The following NFIA variants were observed in gnomAD, a reference collection of about 807,000 sequenced individuals.
NFIA encodes the protein nuclear factor I A.
Under a neutral mutation model 62.8 loss-of-function variants are expected in NFIA, and 8 were observed. The observed-to-expected ratio is 0.13, with a 90% CI of 0.07 to 0.23. NFIA has a LOEUF of 0.23. NFIA is among the 10% of genes least tolerant of loss of function. The pLI is 1.00. For synonymous variants in NFIA, 235 were observed against 238.1 expected (o/e 0.99, Z 0.12); for missense variants, 410 against 642.1 (o/e 0.64, Z 3.91).
intron 9 of NFIA, among the ~76,000 whole-genome samples, chr1:61,418,013 A>AAT (rs1388438339): frequency 6.6e-6 from 1 of 152,208 alleles, no homozygotes; most frequent in East Asian, 1.9e-4. Flanking sequence ...CATTTCTAAT[A>AAT]AGAGATCTAA....
intron 2 of NFIA, among the ~76,000 whole-genome samples, chr1:61,118,962 A>AC (rs1402723741): frequency 6.6e-6 from 1 of 152,016 alleles, no homozygotes; most frequent in Non-Finnish European, 1.5e-5. Context: ...ATCTAGGAAA[A>AC]CATCTCAGTA....
chr1:61,327,861 A>T (rs1311561605), intron 3 of NFIA, among the ~76,000 whole-genome samples: 1 of 152,116 alleles, frequency 6.6e-6, no homozygotes, highest in African/African-American at 2.4e-5. Flanking sequence ...TAGAGATGGT[A>T]CTTATTCTTA....
intron 2 of NFIA, among the ~76,000 whole-genome samples, chr1:61,273,503 A>G (rs910658463): frequency 9.9e-5 from 15 of 152,216 alleles, no homozygotes; most frequent in African/African-American, 3.6e-4. Context: ...TTCTCATCTT[A>G]GAAGTCCCAC....
intron 10 of NFIA, among the ~76,000 whole-genome samples, chr1:61,432,707 A>G (rs1202660354): frequency 6.6e-6 from 1 of 151,440 alleles, no homozygotes; most frequent in African/African-American, 2.4e-5. Flanking sequence ...CTGCAACCCT[A>G]CCTCATCTTC....
At position 61,169,381 on chromosome 1, in the gene NFIA, C is replaced by T. The variant is rs186157255; in HGVS notation, c.559+80701C>T. Among the ~76,000 whole-genome samples the T allele has an allele frequency of 9.1e-4, 139 of 152,242 alleles. 1 individual carries two copies. Among genetic ancestry groups the T allele is most frequent in the Middle Eastern group, 3.4e-3 (1 of 294 alleles). ...CTCACCCTGCATTCTCTTAGTTTGT[C>T]CCCCCAAGGAATGCTCTTCTTTCCA... On this transcript the variant is annotated intron_variant, in intron 2 of 10. Transcript: ENST00000403491.
At chr1:61,336,200 G>A (rs2100400873) in intron 4 of NFIA, among the ~76,000 whole-genome samples, 1 of 151,978 alleles carries the variant, frequency 6.6e-6, no homozygotes, top group Admixed American at 6.6e-5. Flanking sequence ...TGCTTTTATT[G>A]AATAATCAGT....
At chr1:61,251,131 C>T (rs1656007237) in intron 2 of NFIA, 1 of 152,206 alleles carries the variant, frequency 6.6e-6, no homozygotes, top group African/African-American at 2.4e-5. Flanking sequence ...TAACTTAGCC[C>T]TGGCTCACTT....
intron 7 of NFIA, among the ~76,000 whole-genome samples, chr1:61,396,427 T>G (rs1665272952): frequency 6.6e-6 from 1 of 152,070 alleles, no homozygotes; most frequent in South Asian, 2.1e-4. Flanking sequence ...TAAAATTTTT[T>G]GTAGAGATGA....
Position 61,461,831 on chromosome 1 carries a change from A to G in NFIA, c.*6511A>G, listed in dbSNP as rs1668542402. ...TGGAAGACACCCACCAGGTCATACA[A>G]TGTGAACTTTTGTATCTCTGCAGTG... On this transcript the variant is annotated 3_prime_UTR_variant, in exon 11 of 11. Transcript: ENST00000403491. 1 of 152,236 alleles carries G rather than the reference A, an allele frequency of 6.6e-6. No homozygotes were observed. The highest frequency in any genetic ancestry group is 6.5e-5 in the Admixed American group (1 of 15,272). The allele number at this position is 152,236 out of a possible 1,614,324, so 9.4% of individuals were successfully genotyped here. A position where few individuals can be genotyped will look rare whatever the true frequency, so the allele number is the denominator to read the frequency against.
rs151208189 is a variant in NFIA, at chr1:61,176,156, C to A, written c.559+87476C>A. On this transcript the variant is annotated intron_variant, in intron 2 of 10. Transcript: ENST00000403491. ...CAGGCCGAAGAGCAAGGCAGGAGTC[C>A]GCTTAGGAAAGCCTGCAGCTAACTG... Among the ~76,000 whole-genome samples the A allele has an allele frequency of 3.1e-3, 479 of 152,274 alleles. 4 individuals are homozygous for A. The South Asian group carries it at 0.033, about 10-fold the overall frequency.
intron 2 of NFIA, among the ~76,000 whole-genome samples, chr1:61,135,755 C>T (rs758128321): frequency 3.3e-5 from 5 of 152,164 alleles, no homozygotes; most frequent in Non-Finnish European, 5.9e-5. Context: ...TTAGTGTTGA[C>T]CACCTTAGCA....
At chr1:61,079,798 A>G (rs1301584765), upstream of NFIA, among the ~76,000 whole-genome samples, 1 of 152,146 alleles carries the variant, frequency 6.6e-6, no homozygotes, top group Non-Finnish European at 1.5e-5. Flanking sequence ...TACTTTTGCA[A>G]CTTGGGAAGA....
chr1:61,373,032 T>C (rs891061758), intron 6 of NFIA, among the ~76,000 whole-genome samples: 11 of 152,192 alleles, frequency 7.2e-5, no homozygotes, highest in Non-Finnish European at 1.2e-4. Context: ...CATTTTCTTT[T>C]GCTGTGTAGC....
At chr1:61,426,656 C>T (rs561975696) in intron 10 of NFIA, 100 bp downstream of exon 10, 5 of 854,844 alleles carry the variant, frequency 5.8e-6, no homozygotes, top group African/African-American at 5.0e-5. Flanking sequence ...TTTCCAGACC[C>T]TGTCCAGTCT....
intron 6 of NFIA, among the ~76,000 whole-genome samples, chr1:61,368,508 G>A (rs544208319): frequency 6.6e-6 from 1 of 152,260 alleles, no homozygotes; most frequent in African/African-American, 2.4e-5. Context: ...GAGAATTTTA[G>A]CAAACTACTT....
At chr1:61,228,457 T>C (rs1557649444) in intron 2 of NFIA, among the ~76,000 whole-genome samples, 1 of 152,184 alleles carries the variant, frequency 6.6e-6, no homozygotes, top group African/African-American at 2.4e-5. Flanking sequence ...GGCTTCAGTA[T>C]TGAACACTTA....
At chr1:61,151,631 C>G (rs1230973769) in intron 2 of NFIA, among the ~76,000 whole-genome samples, 1 of 152,130 alleles carries the variant, frequency 6.6e-6, no homozygotes, top group Middle Eastern at 3.2e-3. Context: ...GTTCATGACA[C>G]CCTGAGAAAC....
At chr1:61,274,720 G>T (rs561175983) in intron 2 of NFIA, among the ~76,000 whole-genome samples, 1 of 152,306 alleles carries the variant, frequency 6.6e-6, no homozygotes, top group Non-Finnish European at 1.5e-5. Flanking sequence ...CTTCTTGATA[G>T]TGTTTTAATG....
chr1:61,287,405 G>A (rs1180675618), intron 3 of NFIA, among the ~76,000 whole-genome samples: 1 of 152,282 alleles, frequency 6.6e-6, no homozygotes, highest in Non-Finnish European at 1.5e-5. Context: ...CAAAATGGAG[G>A]TCGAAATCTG....
Sources: allele counts gnomAD v4.1 joint callset (sites outside exome capture counted in the v4.1 genomes callset), GRCh38; gene constraint gnomAD v4.1.1; transcripts MANE v1.5; gene names NCBI Gene and HGNC (gene_info 2026-07-23, HGNC 2026-07-21).